The following NAPG variants were observed in gnomAD, a reference collection of about 807,000 sequenced individuals.
NAPG encodes NSF attachment protein gamma, also known as gamma-soluble NSF attachment protein.
A neutral mutation model predicts 48.4 loss-of-function variants in NAPG; 25 were observed. That is an observed-to-expected ratio of 0.52 (90% CI 0.38 to 0.72). The LOEUF is 0.72. Ranked by LOEUF, NAPG falls within the 30% of genes least tolerant of loss-of-function variation. NAPG has a pLI of 0.00. For synonymous variants in NAPG, 139 were observed against 127.2 expected (o/e 1.09, Z -0.62); for missense variants, 359 against 372.5 (o/e 0.96, Z 0.30).
Position 10,534,494 on chromosome 18 carries a change from A to G in NAPG, c.256A>G (p.Lys86Glu). Reference protein sequence around the residue: ...KAYEQAGMMLKEMQKLPEAVQ... With the variant: ...KAYEQAGMMLEEMQKLPEAVQ... ...TTATGAGCAAGCTGGAATGATGTTGAAGGTCAGTAATGTTATGTCACAATT... is the reference window on the plus strand; with the variant it reads ...TTATGAGCAAGCTGGAATGATGTTGGAGGTCAGTAATGTTATGTCACAATT... The change falls in exon 5 of 12, where the codon AAG becomes GAG. Residue 86 changes from lysine (K) to glutamate (E), a missense_variant and splice_region_variant. Physicochemically the swap from Lys to Glu is moderately conservative, Grantham distance 56. Transcript: ENST00000322897. This position sits in a 1 kb window ranked among gnomAD's most constrained non-coding sequence, Gnocchi z 5.0. 1 of 1,612,922 alleles carries G rather than the reference A, an allele frequency of 6.2e-7. No homozygotes were observed. The highest frequency in any genetic ancestry group is 1.1e-5 in the South Asian group (1 of 91,042).
Position 10,534,538 on chromosome 18 carries a change from A to G in NAPG, c.258+42A>G, listed in dbSNP as rs925289974. On this transcript the variant is annotated intron_variant, in intron 5 of 11. Transcript: ENST00000322897. This position sits in a 1 kb window ranked among gnomAD's most constrained non-coding sequence, Gnocchi z 5.0. Reference sequence around the variant, plus strand: ...CACAATTGTTGTGTAGGTAAAATGAATTAACTACAAGGTGTTAAACAAGAA... The same window carrying G: ...CACAATTGTTGTGTAGGTAAAATGAGTTAACTACAAGGTGTTAAACAAGAA... 7 of 1,580,568 alleles carry G rather than the reference A, an allele frequency of 4.4e-6. No individual in the cohort carries two copies. Among genetic ancestry groups the G allele is most frequent in the Non-Finnish European group, 6.1e-6 (7 of 1,149,912 alleles).
At chr18:10,540,228 C>G in intron 7 of NAPG, 101 bp from the exon 8 acceptor site, 1 of 1,137,052 alleles carries the variant, frequency 8.8e-7, no homozygotes, top group South Asian at 1.4e-5. Context: ...CGTGTTCCCC[C>G]CTTGATCCAG....
At chr18:10,545,110 G>A (rs541673924) in intron 8 of NAPG, among the ~76,000 whole-genome samples, 4 of 152,164 alleles carry the variant, frequency 2.6e-5, no homozygotes, top group Non-Finnish European at 5.9e-5. Flanking sequence ...TCAGGAGTTC[G>A]AGACCAGCCT....
rs1475096203 is a variant in NAPG, at chr18:10,526,064, G to A, written c.-39G>A. 5 of 1,602,476 alleles carry A rather than the reference G, an allele frequency of 3.1e-6. No homozygotes were observed. The highest frequency in any genetic ancestry group is 3.3e-5 in the Admixed American group (2 of 59,974). On this transcript the variant is annotated 5_prime_UTR_variant, in exon 1 of 12. Coordinates refer to ENST00000322897, the MANE Select transcript of NAPG (RefSeq NM_003826.3). ...ATTCTTGGCGCCGGAGGAAGAGGCA[G>A]GGTCACCCTCTCTCCACGTCAGAGA...
In NAPG at chr18:10,544,667, T is replaced by C. The variant is rs1249662176; in HGVS notation, c.507-1659T>C. 6.6e-6 allele frequency among the ~76,000 whole-genome samples: 1 copy of C among 152,174 alleles called. No individual in the cohort carries two copies. Among genetic ancestry groups the C allele is most frequent in the Non-Finnish European group, 1.5e-5 (1 of 68,036 alleles). ...AGTGATTCACTCGAAGTCAGCTGAT[T>C]TGTGTCCTAATCACAGGATGGCCCA... On this transcript the variant is annotated intron_variant, in intron 8 of 11. Transcript: ENST00000322897. The surrounding 1 kb of genome is among the most constrained non-coding windows in gnomAD (Gnocchi z 5.1).
In NAPG at chr18:10,526,484, C is replaced by T. The variant is rs567967195; in HGVS notation, c.56+326C>T. 8.2e-5 allele frequency: 28 copies of T among 342,362 alleles called. No individual in the cohort carries two copies. The South Asian group carries it at 1.2e-3, about 15-fold the overall frequency. 21.2% of individuals were successfully genotyped at this position (342,362 alleles called of 1,614,324 possible). A position where few individuals can be genotyped will look rare whatever the true frequency, so the allele number is the denominator to read the frequency against. ...CTGCTCCTGAAGATTGTGGTGGGGGCTGTCTGTGCATCGGAGGCTCGTTAG... is the reference window on the plus strand; with the variant it reads ...CTGCTCCTGAAGATTGTGGTGGGGGTTGTCTGTGCATCGGAGGCTCGTTAG... On this transcript the variant is annotated intron_variant, in intron 1 of 11. Coordinates refer to ENST00000322897, the MANE Select transcript of NAPG (RefSeq NM_003826.3).
At chr18:10,527,204 AAG>A (rs1491372962) in intron 1 of NAPG, among the ~76,000 whole-genome samples, 1 of 150,982 alleles carries the variant, frequency 6.6e-6, no homozygotes, top group African/African-American at 2.4e-5. Context: ...AAAAAAAAAA[AAG>A]AAAAGAAAAA....
At chr18:10,536,642 C>T (rs748990364) in intron 5 of NAPG, among the ~76,000 whole-genome samples, 4 of 152,110 alleles carry the variant, frequency 2.6e-5, no homozygotes, top group African/African-American at 7.2e-5. Flanking sequence ...CTTGATTTTA[C>T]GCAAAAACAG....
chr18:10,542,941 T>C lies in NAPG; in HGVS notation c.506+2542T>C, dbSNP rs2032185566. Among the ~76,000 whole-genome samples, 1 of 152,000 alleles carries C rather than the reference T, an allele frequency of 6.6e-6. No homozygotes were observed. The highest frequency in any genetic ancestry group is 1.5e-5 in the Non-Finnish European group (1 of 68,000). On this transcript the variant is annotated intron_variant, in intron 8 of 11. Coordinates refer to ENST00000322897, the MANE Select transcript of NAPG (RefSeq NM_003826.3). The surrounding 1 kb of genome is among the most constrained non-coding windows in gnomAD (Gnocchi z 4.5). Reference sequence around the variant, plus strand: ...GCTCATGCCTGTAATCACAACACTTTGGGAGGCTGAGGCAGGCAGATCACC... The same window carrying C: ...GCTCATGCCTGTAATCACAACACTTCGGGAGGCTGAGGCAGGCAGATCACC...
chr18:10,530,694 G>GA, intron 1 of NAPG, 76 bp from the exon 2 acceptor site: 1 of 713,142 alleles, frequency 1.4e-6, no homozygotes, highest in Admixed American at 4.1e-5. Context: ...TAAAGACCTA[G>GA]AAGGTCATTA....
Position 10,542,311 on chromosome 18 carries a change from T to A in NAPG, c.506+1912T>A, listed in dbSNP as rs2032173144. Among the ~76,000 whole-genome samples, 1 of 152,166 alleles carries A rather than the reference T, an allele frequency of 6.6e-6. No homozygotes were observed. Among genetic ancestry groups the A allele is most frequent in the Admixed American group, 6.5e-5 (1 of 15,276 alleles). ...AACAAAAATGTTATGGAAATATATT[T>A]TTGAAGTGTATTAACAATATAAAAA... On this transcript the variant is annotated intron_variant, in intron 8 of 11. Coordinates refer to ENST00000322897, the MANE Select transcript of NAPG (RefSeq NM_003826.3). This position sits in a 1 kb window ranked among gnomAD's most constrained non-coding sequence, Gnocchi z 4.5.
Position 10,546,773 on chromosome 18 carries a change from C to A in NAPG, c.585+369C>A, listed in dbSNP as rs2032275794. Reference sequence around the variant, plus strand: ...CTGAGAGAAGCCCACAGTTGTGGAGCTGGGCAGCAAAGGCTGCAACAATGA... The same window carrying A: ...CTGAGAGAAGCCCACAGTTGTGGAGATGGGCAGCAAAGGCTGCAACAATGA... On this transcript the variant is annotated intron_variant, in intron 9 of 11. Coordinates refer to ENST00000322897, the MANE Select transcript of NAPG (RefSeq NM_003826.3). This position sits in a 1 kb window ranked among gnomAD's most constrained non-coding sequence, Gnocchi z 4.0. 6.6e-6 allele frequency among the ~76,000 whole-genome samples: 1 copy of A among 152,154 alleles called. No individual in the cohort carries two copies. The highest frequency in any genetic ancestry group is 1.5e-5 in the Non-Finnish European group (1 of 68,028).
At chr18:10,547,813 T>C (rs1033024177) in intron 9 of NAPG, among the ~76,000 whole-genome samples, 1 of 152,236 alleles carries the variant, frequency 6.6e-6, no homozygotes, top group Non-Finnish European at 1.5e-5. Context: ...TGTTGACTTA[T>C]CAATACTATC....
chr18:10,545,683 G>A (rs987965579), intron 8 of NAPG, among the ~76,000 whole-genome samples: 5 of 152,304 alleles, frequency 3.3e-5, no homozygotes, highest in African/African-American at 9.6e-5. Context: ...TGGAGGGTTT[G>A]GGGGAAATGT....
intron 5 of NAPG, among the ~76,000 whole-genome samples, chr18:10,536,932 C>T (rs1186244991): frequency 6.6e-6 from 1 of 151,680 alleles, no homozygotes; most frequent in East Asian, 1.9e-4. Context: ...ACTTTTTACT[C>T]CCCAAAAACT....
chr18:10,526,722 CTTCG>C (rs2031821282), intron 1 of NAPG: 1 of 153,500 alleles, frequency 6.5e-6, no homozygotes, highest in Non-Finnish European at 1.5e-5. Flanking sequence ...AGGGACTGTG[CTTCG>C]TTCGTCCTTT....
At chr18:10,540,427 G>T in intron 8 of NAPG, 28 bp downstream of exon 8, 1 of 1,576,154 alleles carries the variant, frequency 6.3e-7, no homozygotes, top group Non-Finnish European at 8.7e-7. Context: ...ATTGCTGTGT[G>T]TTTAACTATA....
At chr18:10,532,375 G>T (rs2031945402) in intron 2 of NAPG, among the ~76,000 whole-genome samples, 1 of 152,194 alleles carries the variant, frequency 6.6e-6, no homozygotes, top group African/African-American at 2.4e-5. Context: ...GTAAGGTGCT[G>T]TCTTTTGTGA....
rs1309865523 is a variant in NAPG at position 10,543,693 on chromosome 18, A to G, written c.507-2633A>G. On this transcript the variant is annotated intron_variant, in intron 8 of 11. Transcript: ENST00000322897. This position sits in a 1 kb window ranked among gnomAD's most constrained non-coding sequence, Gnocchi z 4.4. The stretch of plus-strand genomic sequence containing the variant: ...TTCTGTGGGGTTTCAATTTTGTTAC[A>G]TTTGGGGAAGATAAAAACAATTTAT... Among the ~76,000 whole-genome samples the G allele has an allele frequency of 6.6e-6, 1 of 152,190 alleles. No homozygotes were observed. The highest frequency in any genetic ancestry group is 1.5e-5 in the Non-Finnish European group (1 of 68,030).
Sources: allele counts gnomAD v4.1 joint callset (sites outside exome capture counted in the v4.1 genomes callset), GRCh38; gene constraint gnomAD v4.1.1; non-coding constraint Gnocchi (gnomAD v3.1); transcripts MANE v1.5; gene names NCBI Gene and HGNC (gene_info 2026-07-23, HGNC 2026-07-21).